The following NLRP12 variants were observed in gnomAD, a reference collection of about 807,000 sequenced individuals.
NLRP12 encodes NACHT, LRR and PYD domains-containing protein 12.
In NLRP12, 108 loss-of-function variants were observed where a neutral mutation model predicts 91.2. The observed-to-expected ratio is 1.18, with a 90% CI of 1.01 to 1.39. NLRP12 has a LOEUF of 1.39. Among genes scored for constraint, NLRP12 ranks in the 40% most tolerant of loss-of-function variants. The pLI, the probability that NLRP12 is intolerant of heterozygous loss-of-function variation, is 0.00. For missense variants in NLRP12, 1,530 were observed against 1,352.7 expected, an observed-to-expected ratio of 1.13 and a Z score of -2.06; for synonymous variants, 613 against 566.7, an observed-to-expected ratio of 1.08 and a Z score of -1.16.
rs1175740378 is a variant in NLRP12, at chr19:53,811,021, A to G, written c.638T>C (p.Val213Ala). 6.2e-7 allele frequency: 1 copy of G among 1,613,478 alleles called. No homozygotes were observed. Among genetic ancestry groups the G allele is most frequent in the Non-Finnish European group, 8.5e-7 (1 of 1,179,520 alleles). ...TATCCCTGCCGCGCCTTGCATGACC[A>G]CGGTGCGCGGTGGCTCGGGGCGCTC... The part of the protein sequence containing the change: ...DEERPEPPRT[V>A]VMQGAAGIGK... The change falls in exon 3 of 10, where the codon GTG becomes GCG. Residue 213 changes from valine (V) to alanine (A), a missense_variant. Transcript: ENST00000324134.
intron 6 of NLRP12, among the ~76,000 whole-genome samples, chr19:53,801,750 T>C (rs887141900): frequency 6.6e-6 from 1 of 151,728 alleles, no homozygotes; most frequent in Non-Finnish European, 1.5e-5. Context: ...CCACTGCGCC[T>C]AGGCCCCCAA....
chr19:53,801,319 C>T lies in NLRP12; in HGVS notation c.2664G>A (p.Glu888=), dbSNP rs771590053. 3 of 1,613,924 alleles carry T rather than the reference C, an allele frequency of 1.9e-6. No homozygotes were observed. The highest frequency in any genetic ancestry group is 2.7e-5 in the African/African-American group (2 of 74,886). Residue 888 remains glutamate, a synonymous_variant, in exon 7 of 10, where the codon GAG becomes GAA. Coordinates refer to ENST00000324134, the MANE Select transcript of NLRP12 (RefSeq NM_144687.4). ...CCAGCTCATTCAGGCTCAGGTCCAG[C>T]TCTCTCAGGCTCTGGTTCACACTGA... ...STLSVNQSLR[E]LDLSLNELGD... is the part of the protein sequence containing the mutation.
chr19:53,804,002 C>T lies in NLRP12; in HGVS notation c.2535G>A (p.Arg845=), dbSNP rs780537274. 3.7e-6 allele frequency: 6 copies of T among 1,614,006 alleles called. No homozygotes were observed. In the Admixed American group the frequency reaches 1.0e-4, roughly 27 times the overall value. ...TGNALEDLGL[R]LLCQGLRHPV... Reference sequence around the variant, plus strand: ...GGTGCCTCAGTCCCTGGCATAGTAACCTCAGGCCCAAATCCTCCAGTGCAT... The same window carrying T: ...GGTGCCTCAGTCCCTGGCATAGTAATCTCAGGCCCAAATCCTCCAGTGCAT... The change falls in exon 6 of 10, where the codon AGG becomes AGA. Residue 845 remains arginine (R), a synonymous_variant. Coordinates refer to ENST00000324134, the MANE Select transcript of NLRP12 (RefSeq NM_144687.4).
rs1469365859 is a variant in NLRP12, at chr19:53,816,183, C to T, written c.290-1195G>A. The stretch of plus-strand genomic sequence containing the variant: ...AGTCCTAAGTGTGAGTTCCTTTGCT[C>T]TCACTCCATGAGAAAGTCTTCCCAC... On this transcript the variant is annotated intron_variant, in intron 1 of 9. Coordinates refer to ENST00000324134, the MANE Select transcript of NLRP12 (RefSeq NM_144687.4). 2.6e-5 allele frequency among the ~76,000 whole-genome samples: 4 copies of T among 152,052 alleles called. No individual in the cohort carries two copies. In the East Asian group the frequency reaches 5.8e-4, roughly 22 times the overall value.
At position 53,805,323 on chromosome 19, in the gene NLRP12, A is replaced by C; in HGVS notation, c.2371T>G (p.Cys791Gly). The change falls in exon 5 of 10, where the codon TGC becomes GGC. Residue 791 changes from cysteine (C) to glycine (G), a missense_variant. By Grantham distance (159) the Cys-to-Gly change is radical. Coordinates refer to ENST00000324134, the MANE Select transcript of NLRP12 (RefSeq NM_144687.4). ...CACTGGGGATGCCGCAGGCCCTCGC[A>C]AAGCAGCATCATGCCTGGGAATCCA... ...GVGFPGMMLL[C>G]EGLRHPQCRL... The C allele has an allele frequency of 6.2e-7, 1 of 1,614,124 alleles. No homozygotes were observed. The highest frequency in any genetic ancestry group is 8.5e-7 in the Non-Finnish European group (1 of 1,180,014).
intron 8 of NLRP12, among the ~76,000 whole-genome samples, chr19:53,797,904 AT>A (rs564064918): frequency 4.1e-5 from 6 of 145,856 alleles, no homozygotes; most frequent in African/African-American, 1.5e-4. Context: ...AGGCCCGGCT[AT>A]TTTTTTTGTA....
At position 53,824,232 on chromosome 19, in the gene NLRP12, GGACACAGGGC is replaced by G; in HGVS notation, c.-68_-59del. On this transcript the variant is annotated 5_prime_UTR_variant, in exon 1 of 10. An upstream open reading frame in the 5' UTR loses its in-frame stop. Transcript: ENST00000324134. ...GGAGGCTGAGATGCTCCTATGCACG[GGACACAGGGC>G]GACCCCAGCACACCTTCCATTGCAT... 6.4e-7 allele frequency: 1 copy of G among 1,570,182 alleles called. No individual in the cohort carries two copies. The highest frequency in any genetic ancestry group is 8.7e-7 in the Non-Finnish European group (1 of 1,147,886).
rs1231119085 is a variant in NLRP12, at chr19:53,811,090, TG to T, written c.568del (p.Gln190ArgfsTer7). Reference protein sequence around the residue: ...GRGHARTVGHQASPIKIETLF... With the variant: ...GRGHARTVGHXASPIKIETLF... ...GGTCTCTATCTTGATGGGGCTAGCC[TG>T]GTGTCCCACGGTCCTCGCGTGTCCC... On this transcript the variant is annotated frameshift_variant, in exon 3 of 10. Coordinates refer to ENST00000324134, the MANE Select transcript of NLRP12 (RefSeq NM_144687.4). LOFTEE classifies it high-confidence loss of function. 2 of 1,613,864 alleles carry T rather than the reference TG, an allele frequency of 1.2e-6. No individual in the cohort carries two copies. The highest frequency in any genetic ancestry group is 2.7e-5 in the African/African-American group (2 of 75,046).
intron 1 of NLRP12, among the ~76,000 whole-genome samples, chr19:53,816,024 G>C (rs755651227): frequency 2.7e-5 from 4 of 150,184 alleles, no homozygotes; most frequent in Admixed American, 6.7e-5. Flanking sequence ...TTTCGACCTT[G>C]GCCTCTTGAA....
At chr19:53,804,188 C>A in intron 5 of NLRP12, 66 bp from the exon 6 acceptor site, 1 of 1,535,618 alleles carries the variant, frequency 6.5e-7, no homozygotes. Flanking sequence ...CACTCATGCT[C>A]CAGCCTGTTA....
chr19:53,802,706 C>G (rs539148546), intron 6 of NLRP12, among the ~76,000 whole-genome samples: 352 of 129,390 alleles, frequency 2.7e-3, no homozygotes, highest in Non-Finnish European at 4.9e-3. Flanking sequence ...GACTCTGTCT[C>G]AAAAAAAAAA....
intron 3 of NLRP12, 117 bp from the exon 4 acceptor site, chr19:53,807,782 C>T (rs1264116007): frequency 8.1e-7 from 1 of 1,228,204 alleles, no homozygotes; most frequent in Non-Finnish European, 1.2e-6. Flanking sequence ...CGGAGTTTCG[C>T]TCTTGTTGCC....
Position 53,811,229 on chromosome 19 carries a change from T to G in NLRP12, c.430A>C (p.Asn144His), listed in dbSNP as rs771441641. ...RRKFRLMEDR[N>H]ARLGECVNLS... ...TTGACACATTCCCCTAGGCGCGCAT[T>G]GCGGTCTTCCATGAGCCGGAATTTC... Residue 144 changes from asparagine (N) to histidine (H), a missense_variant, in exon 3 of 10, where the codon AAT becomes CAT. Transcript: ENST00000324134. 6 of 1,614,078 alleles carry G rather than the reference T, an allele frequency of 3.7e-6. No individual in the cohort carries two copies. In the South Asian group the frequency reaches 5.5e-5, roughly 15 times the overall value.
At chr19:53,796,422 TTGTA>T (rs2091761648) in intron 8 of NLRP12, among the ~76,000 whole-genome samples, 1 of 78,420 alleles carries the variant, frequency 1.3e-5, no homozygotes, top group East Asian at 2.7e-4. Flanking sequence ...CAACTAATTG[TTGTA>T]TTAGTAGAGA....
Position 53,809,703 on chromosome 19 carries a change from G to C in NLRP12, c.1956C>G (p.Phe652Leu), listed in dbSNP as rs1359119829. ...ASKMEHMVSS[F>L]CLKRCRSAQV... ...GGGCGCTCCTGCAGCGCTTCAGACAGAACGAGGAGACCATGTGCTCCATCT... is the reference window on the plus strand; with the variant it reads ...GGGCGCTCCTGCAGCGCTTCAGACACAACGAGGAGACCATGTGCTCCATCT... Residue 652 changes from phenylalanine (F) to leucine (L), a missense_variant, in exon 3 of 10, where the codon TTC (phenylalanine) becomes TTG (leucine). Coordinates refer to ENST00000324134, the MANE Select transcript of NLRP12 (RefSeq NM_144687.4). The C allele has an allele frequency of 6.2e-7, 1 of 1,614,100 alleles. No individual in the cohort carries two copies. Among genetic ancestry groups the C allele is most frequent in the East Asian group, 2.2e-5 (1 of 44,856 alleles).
In NLRP12 at chr19:53,811,024, G is replaced by A; in HGVS notation, c.635C>T (p.Thr212Ile). The change falls in exon 3 of 10, where the codon ACC (threonine) becomes ATC (isoleucine). Residue 212 changes from threonine to isoleucine, a missense_variant. Coordinates refer to ENST00000324134, the MANE Select transcript of NLRP12 (RefSeq NM_144687.4). ...CCCTGCCGCGCCTTGCATGACCACG[G>A]TGCGCGGTGGCTCGGGGCGCTCCTC... ...PDEERPEPPRTVVMQGAAGIG... is the reference protein window; with the variant it reads ...PDEERPEPPRIVVMQGAAGIG... 2 of 1,613,254 alleles carry A rather than the reference G, an allele frequency of 1.2e-6. No individual in the cohort carries two copies. The highest frequency in any genetic ancestry group is 8.5e-7 in the Non-Finnish European group (1 of 1,179,260).
intron 7 of NLRP12, 104 bp downstream of exon 7, chr19:53,801,123 A>T: frequency 2.1e-6 from 2 of 949,686 alleles, no homozygotes; most frequent in Non-Finnish European, 3.3e-6. Flanking sequence ...CTGATGTAGT[A>T]GCTAGAGTTT....
At position 53,802,087 on chromosome 19, in the gene NLRP12, C is replaced by T. The variant is rs144367121; in HGVS notation, c.2586-690G>A. Among the ~76,000 whole-genome samples, 1,126 of 151,766 alleles carry T rather than the reference C, an allele frequency of 7.4e-3. 9 individuals are homozygous for T. Among genetic ancestry groups the T allele is most frequent in the African/African-American group, 0.025 (1,022 of 41,392 alleles). On this transcript the variant is annotated intron_variant, in intron 6 of 9. Transcript: ENST00000324134. ...TACTAAATACAAAAAATTAGCTGGG[C>T]GTGGTGGCGCATGCCTGTAATCCCA...
rs199475868 is a variant in NLRP12, at chr19:53,807,573, C to T, written c.2165G>A (p.Arg722Gln). The T allele has an allele frequency of 1.6e-4, 255 of 1,614,090 alleles. 1 individual carries two copies. The highest frequency in any genetic ancestry group is 1.4e-3 in the South Asian group (132 of 91,088). Residue 722 changes from arginine (R) to glutamine (Q), a missense_variant, in exon 4 of 10, where the codon CGA becomes CAA. Physicochemically the swap from Arg to Gln is conservative, Grantham distance 43 (BLOSUM62 1). Transcript: ENST00000324134. ...CACCCCCCGGCTGCCCAGGGCATTTCGGTACAGAGACAGCTCTATCAGGTT... is the reference window on the plus strand; with the variant it reads ...CACCCCCCGGCTGCCCAGGGCATTTTGGTACAGAGACAGCTCTATCAGGTT... Reference protein sequence around the residue: ...NPNLIELSLYRNALGSRGVKL... With the variant: ...NPNLIELSLYQNALGSRGVKL...
Sources: gnomAD v4.1 joint callset for allele counts (sites outside exome capture counted in the v4.1 genomes callset) on GRCh38, gnomAD v4.1.1 for gene constraint, MANE v1.5 for transcripts, NCBI Gene and HGNC (gene_info 2026-07-23, HGNC 2026-07-21) for gene names.